EDIL3: variants seen among roughly 807,000 people sequenced by gnomAD.
EDIL3 encodes the protein EGF like and discoidin domains 3.
EDIL3 carries 37 observed loss-of-function variants against 67.4 expected under a neutral mutation model. The ratio of observed to expected loss-of-function variants is 0.55; its 90% CI spans 0.42 to 0.72. The LOEUF is 0.72. EDIL3 is among the 30% of genes least tolerant of loss of function. The pLI is 0.00. For missense variants in EDIL3, 527 were observed against 586.3 expected (o/e 0.90, Z 1.04); for synonymous variants, 195 against 196.3 (o/e 0.99, Z 0.05).
At chr5:84,185,511 C>T (rs886413312) in intron 3 of EDIL3, among the ~76,000 whole-genome samples, 2 of 151,968 alleles carry the variant, frequency 1.3e-5, no homozygotes, top group Admixed American at 6.6e-5. Context: ...GAAGACTTAA[C>T]GTTGGCACAC....
At chr5:84,223,872 T>C (rs1317866131) in intron 3 of EDIL3, among the ~76,000 whole-genome samples, 1 of 151,536 alleles carries the variant, frequency 6.6e-6, no homozygotes, top group African/African-American at 2.4e-5. Flanking sequence ...CACATCACAT[T>C]GTATACCTTA....
chr5:84,113,827 C>G (rs755128396), intron 5 of EDIL3, among the ~76,000 whole-genome samples: 1 of 152,170 alleles, frequency 6.6e-6, no homozygotes, highest in African/African-American at 2.4e-5. Context: ...AGAAACAAAT[C>G]TCCTTTAAAC....
rs10694924 is a variant in EDIL3 at position 84,176,812 on chromosome 5, G to GATATAT, written c.355+3575_355+3580dup. 1.8e-3 allele frequency among the ~76,000 whole-genome samples: 264 copies of GATATAT among 148,966 alleles called. 2 individuals are homozygous for GATATAT. Among genetic ancestry groups the GATATAT allele is most frequent in the East Asian group, 0.013 (66 of 5,018 alleles). On this transcript the variant is annotated intron_variant, in intron 4 of 10. Transcript: ENST00000296591. Reference sequence around the variant, plus strand: ...ATGCGTGTGTTTCACATTCTTCTATGATATATATATATATAAAATTTGATA... The same window carrying GATATAT: ...ATGCGTGTGTTTCACATTCTTCTATGATATATATATATATATATATAAAATTTGATA...
chr5:84,064,801 G>A lies in EDIL3; in HGVS notation c.851C>T (p.Ser284Phe). Reference protein sequence around the residue: ...NIDNNTPYANSFTPPIKAQYV... With the variant: ...NIDNNTPYANFFTPPIKAQYV... ...CTGAGCTTTTATGGGGGGTGTGAAAGAGTTAGCATATGGAGTGTTGTTATC... is the reference window on the plus strand; with the variant it reads ...CTGAGCTTTTATGGGGGGTGTGAAAAAGTTAGCATATGGAGTGTTGTTATC... Residue 284 changes from serine (S) to phenylalanine (F), a missense_variant, in exon 8 of 11, where the codon TCT becomes TTT. Ser to Phe is a radical substitution (Grantham distance 155). Transcript: ENST00000296591. 6.2e-7 allele frequency: 1 copy of A among 1,613,800 alleles called. No individual in the cohort carries two copies. The highest frequency in any genetic ancestry group is 1.1e-5 in the South Asian group (1 of 91,022).
chr5:84,056,823 G>T (rs1019917318), intron 9 of EDIL3, among the ~76,000 whole-genome samples: 1 of 152,038 alleles, frequency 6.6e-6, no homozygotes, highest in Non-Finnish European at 1.5e-5. Context: ...ATTCAGAGGC[G>T]TCTGATTTTA....
At chr5:84,342,198 T>C (rs1247340012) in intron 1 of EDIL3, among the ~76,000 whole-genome samples, 1 of 152,098 alleles carries the variant, frequency 6.6e-6, no homozygotes, top group Non-Finnish European at 1.5e-5. Context: ...AAATCTTGTC[T>C]TTTGCAGATA....
At chr5:84,026,221 C>T (rs2112197475) in intron 9 of EDIL3, among the ~76,000 whole-genome samples, 1 of 152,254 alleles carries the variant, frequency 6.6e-6, no homozygotes, top group African/African-American at 2.4e-5. Context: ...TTTTGTAGGA[C>T]ACCACTGTTG....
chr5:84,131,714 G>A (rs1747970015), intron 5 of EDIL3, among the ~76,000 whole-genome samples: 1 of 152,106 alleles, frequency 6.6e-6, no homozygotes. Flanking sequence ...ACATAGTAAT[G>A]CTTAAAATCA....
intron 3 of EDIL3, among the ~76,000 whole-genome samples, chr5:84,212,654 C>T (rs765918883): frequency 1.3e-5 from 2 of 152,088 alleles, no homozygotes; most frequent in African/African-American, 2.4e-5. Flanking sequence ...AGGCTGGATA[C>T]ATTTTGGAGA....
chr5:84,278,328 AC>A (rs1264145665), intron 1 of EDIL3, among the ~76,000 whole-genome samples: 1 of 152,240 alleles, frequency 6.6e-6, no homozygotes, highest in African/African-American at 2.4e-5. Flanking sequence ...TAGCAGATGA[AC>A]TTGAACATAC....
At position 83,997,918 on chromosome 5, in the gene EDIL3, G is replaced by A. The variant is rs566197605; in HGVS notation, c.1138-34558C>T. On this transcript the variant is annotated intron_variant, in intron 9 of 10. Coordinates refer to ENST00000296591, the MANE Select transcript of EDIL3 (RefSeq NM_005711.5). ...CAACACCAGGCAGAACTCAGCCTGC[G>A]CCCATGGAGGAAGCATTTAGACCAG... Among the ~76,000 whole-genome samples, 5 of 152,186 alleles carry A rather than the reference G, an allele frequency of 3.3e-5. No individual in the cohort carries two copies. In the South Asian group the frequency reaches 8.3e-4, roughly 25 times the overall value.
intron 2 of EDIL3, among the ~76,000 whole-genome samples, chr5:84,230,829 T>C (rs1468918694): frequency 6.9e-6 from 1 of 144,454 alleles, no homozygotes; most frequent in Admixed American, 6.9e-5. Context: ...TACCACACAC[T>C]TCAAAATTTA....
chr5:84,373,484 A>G (rs1747897903), intron 1 of EDIL3, among the ~76,000 whole-genome samples: 1 of 151,960 alleles, frequency 6.6e-6, no homozygotes, highest in African/African-American at 2.4e-5. Context: ...ACCCAATTCA[A>G]CCTTTCAGCC....
chr5:84,300,951 C>T (rs922313568), intron 1 of EDIL3, among the ~76,000 whole-genome samples: 2 of 151,940 alleles, frequency 1.3e-5, no homozygotes, highest in African/African-American at 2.4e-5. Flanking sequence ...CACACACACA[C>T]ACGTCTCATA....
At chr5:84,229,967 A>G in intron 2 of EDIL3, 83 bp from the exon 3 acceptor site, 1 of 1,255,330 alleles carries the variant, frequency 8.0e-7, no homozygotes, top group Non-Finnish European at 1.1e-6. Context: ...AAAGAGAAAA[A>G]GAGATATTGA....
chr5:84,137,503 A>G (rs1748114739), intron 4 of EDIL3, 149 bp from the exon 5 acceptor site: 1 of 609,126 alleles, frequency 1.6e-6, no homozygotes, highest in Non-Finnish European at 2.8e-6. Flanking sequence ...AGTAATACAA[A>G]TGCTGCTTAA....
intron 5 of EDIL3, among the ~76,000 whole-genome samples, chr5:84,119,771 AG>A (rs1747738270): frequency 6.6e-6 from 1 of 152,042 alleles, no homozygotes; most frequent in Admixed American, 6.6e-5. Context: ...ACCTGCTGGC[AG>A]TTTTGTTGGA....
At chr5:84,279,796 A>G (rs895332232) in intron 1 of EDIL3, among the ~76,000 whole-genome samples, 29 of 152,232 alleles carry the variant, frequency 1.9e-4, no homozygotes, top group Middle Eastern at 3.4e-3. Flanking sequence ...CCCAGCTTCC[A>G]TTCCAAAATT....
chr5:84,019,944 C>T (rs1745680990), intron 9 of EDIL3, among the ~76,000 whole-genome samples: 1 of 152,008 alleles, frequency 6.6e-6, no homozygotes, highest in African/African-American at 2.4e-5. Context: ...GTGCAATGGT[C>T]CTAGGAAAGT....
Sources: allele counts gnomAD v4.1 joint callset (sites outside exome capture counted in the v4.1 genomes callset), GRCh38; gene constraint gnomAD v4.1.1; transcripts MANE v1.5; gene names NCBI Gene and HGNC (gene_info 2026-07-23, HGNC 2026-07-21).